The following PMEPA1 variants were observed in gnomAD, a reference collection of about 807,000 sequenced individuals.
PMEPA1 encodes the protein protein TMEPAI.
PMEPA1 carries 11 observed loss-of-function variants against 23.0 expected under a neutral mutation model. The observed-to-expected ratio is 0.48, with a 90% CI of 0.30 to 0.79. The LOEUF (loss-of-function observed/expected upper bound fraction) is 0.79. PMEPA1 is among the 30% of genes least tolerant of loss of function. The probability of loss-of-function intolerance (pLI) is 0.06; values close to 1 mark genes in which losing one functional copy is unlikely to be tolerated. For synonymous variants in PMEPA1, 204 were observed against 166.4 expected, an observed-to-expected ratio of 1.23 and a Z score of -1.74; for missense variants, 377 against 390.9, an observed-to-expected ratio of 0.96 and a Z score of 0.30.
chr20:57,668,925 C>T (rs2071530039), intron 1 of PMEPA1, among the ~76,000 whole-genome samples: 1 of 152,186 alleles, frequency 6.6e-6, no homozygotes, highest in Non-Finnish European at 1.5e-5. Context: ...GCCCTCTGCC[C>T]TCCAGCCTCC....
Position 57,652,023 on chromosome 20 carries a change from C to G in PMEPA1, c.*30G>C, listed in dbSNP as rs201645714. On this transcript the variant is annotated 3_prime_UTR_variant, in exon 4 of 4. Transcript: ENST00000341744. The surrounding 1 kb of genome is among the most constrained non-coding windows in gnomAD (Gnocchi z 6.1). ...GCGGAGTGTTCTGCCTTTTCACCTA[C>G]GCAGCCCCAGCCCGGCCCCCCTGGG... 18 of 1,449,496 alleles carry G rather than the reference C, an allele frequency of 1.2e-5. No individual in the cohort carries two copies. The highest frequency in any genetic ancestry group is 1.8e-4 in the Middle Eastern group (1 of 5,504). The allele number at this position is 1,449,496 out of a possible 1,614,324, so 89.8% of individuals were successfully genotyped here.
chr20:57,709,477 T>G lies in PMEPA1; in HGVS notation c.106A>C (p.Ile36Leu). The G allele has an allele frequency of 8.9e-7, 1 of 1,129,716 alleles. No homozygotes were observed. Among genetic ancestry groups the G allele is most frequent in the Non-Finnish European group, 1.1e-6 (1 of 904,404 alleles). 70.0% of individuals were successfully genotyped at this position (1,129,716 alleles called of 1,614,324 possible). ...CKRSLFQSME[I>L]TELEFVQIII... ...AGGGGGGCGTGGGGTCACTCACTGA[T>G]CTCCATGCTCTGGAACAAAGAGCGT... Residue 36 changes from isoleucine (I) to leucine (L), a missense_variant, in exon 1 of 4, where the codon ATC becomes CTC. This residue lies in a region of PMEPA1 where 198 missense variants were observed against 196.3 expected (regional missense o/e 1.01). Coordinates refer to ENST00000341744, the MANE Select transcript of PMEPA1 (RefSeq NM_020182.5).
intron 1 of PMEPA1, among the ~76,000 whole-genome samples, chr20:57,666,962 G>A (rs1465419797): frequency 1.3e-5 from 2 of 152,216 alleles, no homozygotes; most frequent in African/African-American, 4.8e-5. Flanking sequence ...TTTGTGACAC[G>A]GGAATGATAC....
At chr20:57,703,113 T>C (rs2072033617) in intron 1 of PMEPA1, among the ~76,000 whole-genome samples, 1 of 152,210 alleles carries the variant, frequency 6.6e-6, no homozygotes, top group African/African-American at 2.4e-5. Context: ...AAAATGAGGT[T>C]GACTGTCAGT....
intron 1 of PMEPA1, among the ~76,000 whole-genome samples, chr20:57,661,615 G>C (rs1340040459): frequency 1.3e-5 from 2 of 152,180 alleles, no homozygotes; most frequent in Non-Finnish European, 2.9e-5. Context: ...GAGGGGGATC[G>C]GGGTGGGCAG....
chr20:57,656,556 T>C lies in PMEPA1; in HGVS notation c.264+2987A>G, dbSNP rs1337972897. 6.6e-6 allele frequency among the ~76,000 whole-genome samples: 1 copy of C among 152,174 alleles called. No individual in the cohort carries two copies. The highest frequency in any genetic ancestry group is 2.4e-5 in the African/African-American group (1 of 41,464). On this transcript the variant is annotated intron_variant, in intron 2 of 3. Transcript: ENST00000341744. This position sits in a 1 kb window ranked among gnomAD's most constrained non-coding sequence, Gnocchi z 4.7. ...GTCACTGCAGTGACGTTCTGCATCA[T>C]GTCCCGAATACCCTCGGAGCAGCGC... is the stretch of plus-strand genomic sequence containing the variant.
intron 1 of PMEPA1, among the ~76,000 whole-genome samples, chr20:57,709,241 G>A (rs910367794): frequency 2.2e-4 from 33 of 150,378 alleles, no homozygotes; most frequent in Non-Finnish European, 2.8e-4. Context: ...CGGGCGGGCG[G>A]GGCGCGGACA....
At chr20:57,688,361 G>A (rs117529146) in intron 1 of PMEPA1, among the ~76,000 whole-genome samples, 1 of 152,198 alleles carries the variant, frequency 6.6e-6, no homozygotes, top group East Asian at 1.9e-4. Context: ...GGGGTGGGCT[G>A]TTCTGGGCAT....
intron 2 of PMEPA1, among the ~76,000 whole-genome samples, chr20:57,654,489 G>A (rs6025705): frequency 0.066 from 10,022 of 151,932 alleles, 490 homozygotes; most frequent in African/African-American, 0.14. Flanking sequence ...AAACTGTCCC[G>A]TCAGGACCGC....
In PMEPA1 at chr20:57,682,746, G is replaced by A. The variant is rs2071737613; in HGVS notation, c.110-23049C>T. 6.6e-6 allele frequency among the ~76,000 whole-genome samples: 1 copy of A among 152,254 alleles called. No homozygotes were observed. The highest frequency in any genetic ancestry group is 2.4e-5 in the African/African-American group (1 of 41,468). On this transcript the variant is annotated intron_variant, in intron 1 of 3. Coordinates refer to ENST00000341744, the MANE Select transcript of PMEPA1 (RefSeq NM_020182.5). This position sits in a 1 kb window ranked among gnomAD's most constrained non-coding sequence, Gnocchi z 4.4. ...ACCAACTCCTCCTGGAGGAAGGAAA[G>A]TTCAATGGATGAGCTATAAATATTT...
chr20:57,707,113 A>G (rs1440725505), intron 1 of PMEPA1, among the ~76,000 whole-genome samples: 1 of 152,230 alleles, frequency 6.6e-6, no homozygotes. Context: ...ACTGCCTCAA[A>G]GCCCAACTCC....
intron 1 of PMEPA1, among the ~76,000 whole-genome samples, chr20:57,691,548 A>G (rs772093100): frequency 1.1e-4 from 17 of 152,178 alleles, no homozygotes; most frequent in Non-Finnish European, 2.4e-4. Context: ...AGCTGATGCC[A>G]GCTCCTACTC....
intron 1 of PMEPA1, among the ~76,000 whole-genome samples, chr20:57,693,123 G>A (rs768547626): frequency 1.3e-5 from 2 of 152,236 alleles, no homozygotes; most frequent in Non-Finnish European, 2.9e-5. Context: ...CCAGCAGCCA[G>A]GAGCTGTGTC....
At chr20:57,702,253 A>T (rs1359148458) in intron 1 of PMEPA1, among the ~76,000 whole-genome samples, 1 of 152,138 alleles carries the variant, frequency 6.6e-6, no homozygotes, top group African/African-American at 2.4e-5. Context: ...GGCTGTGTCT[A>T]GTGATGTCCC....
Position 57,653,085 on chromosome 20 carries a change from T to G in PMEPA1, c.266A>C (p.Glu89Ala), listed in dbSNP as rs772874279. ...GRRREDALSS[E>A]GCLWPSESTV... ...GCTCTCCGAGGGCCACAGGCATCCT[T>G]CCTGCACAGGAAGAAACGTACAAGC... Residue 89 changes from glutamate to alanine, a missense_variant and splice_region_variant, in exon 3 of 4, where the codon GAA becomes GCA. Glu to Ala is a moderately radical substitution (Grantham distance 107, BLOSUM62 -1). Around this residue, in one of 3 missense-constraint regions of PMEPA1, gnomAD observed 198 missense variants for 196.3 expected, o/e 1.01. Transcript: ENST00000341744. 1.9e-6 allele frequency: 3 copies of G among 1,584,028 alleles called. No homozygotes were observed. The highest frequency in any genetic ancestry group is 2.6e-6 in the Non-Finnish European group (3 of 1,164,520).
rs1396746492 is a variant in PMEPA1, at chr20:57,673,094, G to A, written c.110-13397C>T. Among the ~76,000 whole-genome samples the A allele has an allele frequency of 2.7e-5, 4 of 148,848 alleles. No individual in the cohort carries two copies. In the East Asian group the frequency reaches 7.9e-4, roughly 29 times the overall value. ...GCCGGTTCTCCTGGGCCCCCGCCCC[G>A]ACTTCATCACCAATTGCCCCTGACT... On this transcript the variant is annotated intron_variant, in intron 1 of 3. Coordinates refer to ENST00000341744, the MANE Select transcript of PMEPA1 (RefSeq NM_020182.5).
chr20:57,694,774 T>A (rs1283688639), intron 1 of PMEPA1, among the ~76,000 whole-genome samples: 2 of 152,158 alleles, frequency 1.3e-5, no homozygotes, highest in African/African-American at 4.8e-5. Flanking sequence ...ATGGTAGGCA[T>A]TCAGGAAATA....
intron 1 of PMEPA1, among the ~76,000 whole-genome samples, chr20:57,675,826 T>G (rs1346224760): frequency 6.6e-6 from 1 of 152,236 alleles, no homozygotes; most frequent in Non-Finnish European, 1.5e-5. Flanking sequence ...CTCCGGTGTG[T>G]GACTGTCTGG....
chr20:57,710,063 A>G, upstream of PMEPA1: 1 of 985,212 alleles, frequency 1.0e-6, no homozygotes, highest in Middle Eastern at 4.9e-4. Flanking sequence ...GGGGCCGGGG[A>G]GGGGGCGCGC....
Sources: gnomAD v4.1 joint callset for allele counts (sites outside exome capture counted in the v4.1 genomes callset) on GRCh38, gnomAD v4.1.1 for gene constraint, gnomAD v4.1.1 regional missense constraint, Gnocchi (gnomAD v3.1) non-coding constraint, MANE v1.5 for transcripts, NCBI Gene and HGNC (gene_info 2026-07-23, HGNC 2026-07-21) for gene names.